ALPL: variants seen among roughly 807,000 people sequenced by gnomAD.
ALPL encodes alkaline phosphatase, biomineralization associated, also known as alkaline phosphatase, tissue-nonspecific isozyme.
In ALPL, 42 loss-of-function variants were observed where a neutral mutation model predicts 51.3. The ratio of observed to expected loss-of-function variants is 0.82; its 90% CI spans 0.64 to 1.06. The LOEUF (loss-of-function observed/expected upper bound fraction) is 1.06. Among genes scored for constraint, ALPL ranks in the 50% least tolerant of loss-of-function variants. The pLI, the probability that ALPL is intolerant of heterozygous loss-of-function variation, is 0.00. For synonymous variants in ALPL, 279 were observed against 296.4 expected (o/e 0.94, Z 0.60); for missense variants, 589 against 709.4 (o/e 0.83, Z 1.93).
intron 1 of ALPL, among the ~76,000 whole-genome samples, chr1:21,523,262 G>A (rs1389186482): frequency 6.6e-6 from 1 of 152,200 alleles, no homozygotes; most frequent in African/African-American, 2.4e-5. Context: ...TTGTCCCACT[G>A]TACTCCAGAC....
chr1:21,523,934 G>A (rs1196404058), intron 1 of ALPL, among the ~76,000 whole-genome samples: 1 of 151,256 alleles, frequency 6.6e-6, no homozygotes, highest in Non-Finnish European at 1.5e-5. Flanking sequence ...TTTGTTCACT[G>A]ATAATAGCAA....
chr1:21,559,407 G>A (rs1008863594), intron 2 of ALPL, among the ~76,000 whole-genome samples: 12 of 152,174 alleles, frequency 7.9e-5, no homozygotes, highest in East Asian at 5.8e-4. Flanking sequence ...TGCCTTATCC[G>A]GCCCAGTCCT....
Position 21,564,312 on chromosome 1 carries a change from T to C in ALPL, c.648+96T>C, listed in dbSNP as rs1329144805. 4.0e-6 allele frequency: 6 copies of C among 1,493,298 alleles called. No homozygotes were observed. The highest frequency in any genetic ancestry group is 2.8e-5 in the African/African-American group (2 of 72,558). The allele number at this position is 1,493,298 out of a possible 1,614,324, so 92.5% of individuals were successfully genotyped here. A position where few individuals can be genotyped will look rare whatever the true frequency, so the allele number is the denominator to read the frequency against. On this transcript the variant is annotated intron_variant, in intron 6 of 11. Transcript: ENST00000374840. The surrounding 1 kb of genome is among the most constrained non-coding windows in gnomAD (Gnocchi z 5.8). Reference sequence around the variant, plus strand: ...CCAGGCTGGCCCGGAGAAAGCAGCCTGGCCTGGCTCCCCACACACCTGGGA... The same window carrying C: ...CCAGGCTGGCCCGGAGAAAGCAGCCCGGCCTGGCTCCCCACACACCTGGGA...
chr1:21,562,466 C>T (rs866340969), intron 4 of ALPL, among the ~76,000 whole-genome samples: 37 of 152,110 alleles, frequency 2.4e-4, no homozygotes, highest in Admixed American at 9.2e-4. Flanking sequence ...AACCTCCAGA[C>T]CCTGGGTCAG....
intron 1 of ALPL, among the ~76,000 whole-genome samples, chr1:21,533,430 G>T (rs905499580): frequency 6.6e-6 from 1 of 152,156 alleles, no homozygotes; most frequent in Non-Finnish European, 1.5e-5. Context: ...ACTCTCTGTT[G>T]AATTTTAACT....
At chr1:21,519,801 A>G (rs563428905) in intron 1 of ALPL, among the ~76,000 whole-genome samples, 1 of 152,296 alleles carries the variant, frequency 6.6e-6, no homozygotes, top group South Asian at 2.1e-4. Context: ...CATTTCAAGA[A>G]AACAAAAAGA....
chr1:21,544,064 CT>C (rs2148116841), intron 1 of ALPL, among the ~76,000 whole-genome samples: 1 of 152,324 alleles, frequency 6.6e-6, no homozygotes, highest in African/African-American at 2.4e-5. Context: ...TCGATGTGAC[CT>C]CTTCACCATG....
At chr1:21,519,791 C>T (rs1444064025) in intron 1 of ALPL, among the ~76,000 whole-genome samples, 1 of 152,162 alleles carries the variant, frequency 6.6e-6, no homozygotes, top group African/African-American at 2.4e-5. Flanking sequence ...AGTGAGACTG[C>T]ATTTCAAGAA....
chr1:21,526,285 A>T (rs2148076226), intron 1 of ALPL, among the ~76,000 whole-genome samples: 1 of 152,064 alleles, frequency 6.6e-6, no homozygotes, highest in South Asian at 2.1e-4. Flanking sequence ...GACTACAGGC[A>T]TGTACCACCA....
intron 7 of ALPL, 25 bp downstream of exon 7, chr1:21,568,272 C>T (rs770094127): frequency 1.2e-5 from 19 of 1,613,656 alleles, no homozygotes; most frequent in Non-Finnish European, 1.5e-5. Flanking sequence ...GGCCATGTGG[C>T]TGCAGAGGTG....
intron 1 of ALPL, among the ~76,000 whole-genome samples, chr1:21,527,781 CTGAAG>C (rs1643968208): frequency 6.6e-6 from 1 of 151,932 alleles, no homozygotes; most frequent in Non-Finnish European, 1.5e-5. Context: ...AACTCCCAAC[CTGAAG>C]TGATCCGTCC....
chr1:21,518,326 T>C (rs1643840039), intron 1 of ALPL, among the ~76,000 whole-genome samples: 1 of 152,098 alleles, frequency 6.6e-6, no homozygotes, highest in African/African-American at 2.4e-5. Flanking sequence ...GGACCACTTG[T>C]TACGCACCAA....
At chr1:21,553,946 C>T (rs781679061) in intron 1 of ALPL, 32 bp from the exon 2 acceptor site, 33 of 765,136 alleles carry the variant, frequency 4.3e-5, no homozygotes, top group African/African-American at 2.6e-4. Context: ...CTGTGCCCCA[C>T]ATGCCTCTTT....
chr1:21,511,683 C>A (rs1434048709), intron 1 of ALPL, among the ~76,000 whole-genome samples: 1 of 152,230 alleles, frequency 6.6e-6, no homozygotes, highest in Non-Finnish European at 1.5e-5. Flanking sequence ...GCTGGGAGCG[C>A]AGAGCTCCAT....
intron 1 of ALPL, among the ~76,000 whole-genome samples, chr1:21,544,188 C>T (rs6666477): frequency 0.48 from 72,432 of 152,150 alleles, 17,909 homozygotes; most frequent in East Asian, 0.83. Flanking sequence ...ACCTGGTGCA[C>T]CGTAGTTCTT....
intron 5 of ALPL, 121 bp downstream of exon 5, chr1:21,563,405 T>TA: frequency 8.1e-7 from 1 of 1,234,720 alleles, no homozygotes; most frequent in Non-Finnish European, 1.1e-6. Flanking sequence ...CCAGCTCTGA[T>TA]ATGCTGGGAG....
At chr1:21,533,054 G>A (rs534885742) in intron 1 of ALPL, among the ~76,000 whole-genome samples, 1 of 152,312 alleles carries the variant, frequency 6.6e-6, no homozygotes, top group South Asian at 2.1e-4. Flanking sequence ...CTGCCCACCA[G>A]CCCTTCCTGG....
intron 1 of ALPL, among the ~76,000 whole-genome samples, chr1:21,520,472 T>C (rs2148065327): frequency 6.9e-6 from 1 of 145,708 alleles, no homozygotes; most frequent in Admixed American, 6.8e-5. Context: ...TTCTCTTTTT[T>C]TTTTTTTTTT....
chr1:21,531,197 G>A (rs531200205), intron 1 of ALPL, among the ~76,000 whole-genome samples: 38 of 152,180 alleles, frequency 2.5e-4, no homozygotes, highest in African/African-American at 8.9e-4. Context: ...GGTCTCAAGT[G>A]ATCCACCCGC....
Sources: gnomAD v4.1 joint callset for allele counts (sites outside exome capture counted in the v4.1 genomes callset) on GRCh38, gnomAD v4.1.1 for gene constraint, Gnocchi (gnomAD v3.1) non-coding constraint, MANE v1.5 for transcripts, NCBI Gene and HGNC (gene_info 2026-07-23, HGNC 2026-07-21) for gene names.